The following FRMD4B variants were observed in gnomAD, a reference collection of about 807,000 sequenced individuals.
FRMD4B encodes FERM domain-containing protein 4B.
FRMD4B carries 74 observed loss-of-function variants against 141.5 expected under a neutral mutation model. That is an observed-to-expected ratio of 0.52 (90% CI 0.43 to 0.63). The LOEUF (loss-of-function observed/expected upper bound fraction) is 0.63. FRMD4B is among the 30% of genes least tolerant of loss of function. FRMD4B has a pLI of 0.00. For synonymous variants in FRMD4B, 506 were observed against 467.9 expected (o/e 1.08, Z -1.05); for missense variants, 1,366 against 1,253.4 (o/e 1.09, Z -1.36).
intron 1 of FRMD4B, among the ~76,000 whole-genome samples, chr3:69,349,871 C>G (rs1210858008): frequency 2.6e-5 from 4 of 152,066 alleles, no homozygotes; most frequent in African/African-American, 9.7e-5. Context: ...CATAAAAACC[C>G]TAGAAGAAAA....
intron 1 of FRMD4B, among the ~76,000 whole-genome samples, chr3:69,470,315 C>T (rs1346511227): frequency 2.6e-5 from 4 of 152,084 alleles, no homozygotes; most frequent in Non-Finnish European, 2.9e-5. Flanking sequence ...GATACTAAAA[C>T]GTTTGGTTTG....
chr3:69,476,170 G>A (rs543007628), intron 1 of FRMD4B, among the ~76,000 whole-genome samples: 5,876 of 151,084 alleles, frequency 0.039, 167 homozygotes, highest in Non-Finnish European at 0.058. Context: ...TCACTCTGAT[G>A]GTAGTTTCTT....
intron 7 of FRMD4B, among the ~76,000 whole-genome samples, chr3:69,239,434 TA>T (rs945668944): frequency 1.3e-5 from 2 of 152,204 alleles, no homozygotes; most frequent in African/African-American, 4.8e-5. Flanking sequence ...AAGGAATTTC[TA>T]ATGAGAATGA....
At chr3:69,196,427 A>C in intron 13 of FRMD4B, 31 bp from the exon 14 acceptor site, 1 of 1,549,730 alleles carries the variant, frequency 6.5e-7, no homozygotes, top group Non-Finnish European at 8.8e-7. Context: ...AAACAGAATT[A>C]ACTCAAACAT....
At chr3:69,540,652 T>C (rs376689304) in intron 1 of FRMD4B, among the ~76,000 whole-genome samples, 134 of 82,018 alleles carry the variant, frequency 1.6e-3, no homozygotes, top group South Asian at 6.8e-3. Context: ...TATATATATA[T>C]ATATATATAC....
At chr3:69,241,179 T>C (rs2093380091) in intron 7 of FRMD4B, among the ~76,000 whole-genome samples, 1 of 152,330 alleles carries the variant, frequency 6.6e-6, no homozygotes, top group South Asian at 2.1e-4. Flanking sequence ...GTTCATTTAG[T>C]TGCATCAGGT....
At chr3:69,285,882 G>GA (rs1700672298) in intron 5 of FRMD4B, among the ~76,000 whole-genome samples, 1 of 151,654 alleles carries the variant, frequency 6.6e-6, no homozygotes, top group Admixed American at 6.6e-5. Context: ...GCAGAAAAAA[G>GA]AAAAAAGAGA....
At chr3:69,521,031 A>G (rs1327302013) in intron 1 of FRMD4B, among the ~76,000 whole-genome samples, 1 of 152,058 alleles carries the variant, frequency 6.6e-6, no homozygotes, top group Non-Finnish European at 1.5e-5. Context: ...AGCACTTCCA[A>G]TCCTATCTGG....
intron 2 of FRMD4B, among the ~76,000 whole-genome samples, chr3:69,406,898 A>G (rs1704659026): frequency 7.8e-6 from 1 of 128,710 alleles, no homozygotes; most frequent in South Asian, 2.8e-4. Context: ...CACCCAGTTA[A>G]TTTTTAATTT....
intron 1 of FRMD4B, among the ~76,000 whole-genome samples, chr3:69,529,211 T>A (rs561702539): frequency 6.6e-6 from 1 of 152,334 alleles, no homozygotes; most frequent in African/African-American, 2.4e-5. Flanking sequence ...GCAGCCAGTG[T>A]TGCTAGAGCT....
intron 1 of FRMD4B, among the ~76,000 whole-genome samples, chr3:69,526,709 C>T (rs1368778736): frequency 6.6e-6 from 1 of 152,136 alleles, no homozygotes; most frequent in Non-Finnish European, 1.5e-5. Flanking sequence ...CTCTGATTTC[C>T]CTAACACTGT....
intron 4 of FRMD4B, among the ~76,000 whole-genome samples, chr3:69,291,715 ATTG>A (rs2107100412): frequency 6.6e-6 from 1 of 152,216 alleles, no homozygotes; most frequent in African/African-American, 2.4e-5. Flanking sequence ...CTCTGATGAA[ATTG>A]TCCCTTGGTT....
intron 5 of FRMD4B, among the ~76,000 whole-genome samples, chr3:69,259,121 C>T (rs190518063): frequency 5.3e-5 from 8 of 152,308 alleles, no homozygotes; most frequent in Admixed American, 2.0e-4. Flanking sequence ...TTTCCCGTAA[C>T]TAGACCATCC....
At chr3:69,404,987 G>A (rs532010065) in intron 2 of FRMD4B, among the ~76,000 whole-genome samples, 6 of 152,176 alleles carry the variant, frequency 3.9e-5, no homozygotes, top group Non-Finnish European at 2.9e-5. Flanking sequence ...AGAGAAATGT[G>A]AGGTGCCAAC....
At chr3:69,174,280 T>C (rs943836133) in intron 22 of FRMD4B, among the ~76,000 whole-genome samples, 4 of 152,158 alleles carry the variant, frequency 2.6e-5, no homozygotes, top group African/African-American at 9.7e-5. Context: ...ATTGGTCATA[T>C]AAAATAAGGT....
chr3:69,405,038 G>A (rs943698245), intron 2 of FRMD4B, among the ~76,000 whole-genome samples: 15 of 152,200 alleles, frequency 9.9e-5, no homozygotes, highest in Admixed American at 1.3e-4. Context: ...CTCTTTGCTC[G>A]CGAATGATGG....
At chr3:69,338,492 T>C (rs1702629987) in intron 1 of FRMD4B, among the ~76,000 whole-genome samples, 1 of 152,190 alleles carries the variant, frequency 6.6e-6, no homozygotes, top group Non-Finnish European at 1.5e-5. Context: ...CACCATGGAA[T>C]ATTATGCAGC....
chr3:69,445,622 A>C lies in FRMD4B; in HGVS notation c.-128-12861T>G, dbSNP rs150681162. Among the ~76,000 whole-genome samples the C allele has an allele frequency of 8.5e-4, 129 of 152,104 alleles. 1 individual carries two copies. The highest frequency in any genetic ancestry group is 3.0e-3 in the African/African-American group (123 of 41,478). ...TGCCAGTCTTCCCTTCACTCTCAATACACCCCACATTGGCCTCCTTTTCCC... is the reference window on the plus strand; with the variant it reads ...TGCCAGTCTTCCCTTCACTCTCAATCCACCCCACATTGGCCTCCTTTTCCC... On this transcript the variant is annotated intron_variant, in intron 1 of 5. Coordinates refer to the FRMD4B transcript ENST00000459638.
chr3:69,464,424 T>C, intron 1 of FRMD4B, among the ~76,000 whole-genome samples: 1 of 152,176 alleles, frequency 6.6e-6, no homozygotes, highest in South Asian at 2.1e-4. Context: ...GAAAGTAAAC[T>C]GTCACCTATA....
Sources: allele counts gnomAD v4.1 joint callset (sites outside exome capture counted in the v4.1 genomes callset), GRCh38; gene constraint gnomAD v4.1.1; transcripts MANE v1.5; gene names NCBI Gene and HGNC (gene_info 2026-07-23, HGNC 2026-07-21).